The following MEF2A variants were observed in gnomAD, a reference collection of about 807,000 sequenced individuals.
The protein encoded by MEF2A is myocyte enhancer factor 2A.
A neutral mutation model predicts 55.8 loss-of-function variants in MEF2A; 28 were observed. The observed-to-expected ratio is 0.50, with a 90% CI of 0.37 to 0.69. MEF2A has a LOEUF of 0.69. Ranked by LOEUF, MEF2A falls within the 30% of genes least tolerant of loss-of-function variation. MEF2A has a pLI of 0.00. For synonymous variants in MEF2A, 239 were observed against 227.1 expected, an observed-to-expected ratio of 1.05 and a Z score of -0.47; for missense variants, 528 against 626.2, an observed-to-expected ratio of 0.84 and a Z score of 1.67.
intron 7 of MEF2A, among the ~76,000 whole-genome samples, chr15:99,688,141 T>A (rs142361432): frequency 6.6e-6 from 1 of 152,238 alleles, no homozygotes; most frequent in Non-Finnish European, 1.5e-5. Context: ...CACACTGTAA[T>A]CTCTGTTTTA....
intron 9 of MEF2A, 169 bp from the exon 10 acceptor site, chr15:99,706,560 A>G (rs1443949419): frequency 1.5e-6 from 1 of 666,674 alleles, no homozygotes; most frequent in African/African-American, 1.8e-5. Flanking sequence ...GACCCTTCAA[A>G]TTAAATATTT....
At chr15:99,674,318 A>C in intron 5 of MEF2A, 75 bp from the exon 6 acceptor site, 1 of 1,379,418 alleles carries the variant, frequency 7.2e-7, no homozygotes, top group South Asian at 1.4e-5. Flanking sequence ...TTACCTTGCC[A>C]AATTAAAGTT....
At chr15:99,596,700 C>T (rs1250979926) in intron 1 of MEF2A, among the ~76,000 whole-genome samples, 2 of 152,186 alleles carry the variant, frequency 1.3e-5, no homozygotes, top group Admixed American at 6.5e-5. Flanking sequence ...ATAATTGATC[C>T]TGGCCAATAG....
chr15:99,679,777 A>C (rs879282211), intron 7 of MEF2A, among the ~76,000 whole-genome samples: 11 of 152,204 alleles, frequency 7.2e-5, no homozygotes, highest in Non-Finnish European at 1.3e-4. Context: ...GCAAGAAAAC[A>C]GTTTTGAAAA....
In MEF2A at chr15:99,625,400, A is replaced by G. The variant is rs896958047; in HGVS notation, c.-142-7578A>G. Among the ~76,000 whole-genome samples the G allele has an allele frequency of 5.3e-5, 8 of 152,292 alleles. No individual in the cohort carries two copies. The East Asian group carries it at 1.5e-3, about 29-fold the overall frequency. ...TGCTCATGAAAGGATTCTAGGGGAC[A>G]AAAGACATCATGTCATCTTAAAACA... On this transcript the variant is annotated intron_variant, in intron 2 of 11. Transcript: ENST00000557942.
chr15:99,594,893 G>A (rs1157930636), intron 1 of MEF2A, among the ~76,000 whole-genome samples: 1 of 152,106 alleles, frequency 6.6e-6, no homozygotes, highest in African/African-American at 2.4e-5. Context: ...CATGTTCATG[G>A]TCTCTATCAT....
At chr15:99,603,794 T>A (rs2570934) in intron 2 of MEF2A, among the ~76,000 whole-genome samples, 32,730 of 152,102 alleles carry the variant, frequency 0.22, 4,241 homozygotes, top group South Asian at 0.33. Context: ...GATAGTGTTC[T>A]TTTAAGACTT....
At chr15:99,622,120 G>A (rs2041281711) in intron 2 of MEF2A, among the ~76,000 whole-genome samples, 1 of 152,154 alleles carries the variant, frequency 6.6e-6, no homozygotes, top group South Asian at 2.1e-4. Flanking sequence ...TAGATTCTAT[G>A]ATATCTTTTA....
At chr15:99,569,261 G>A (rs985022980) in intron 1 of MEF2A, among the ~76,000 whole-genome samples, 1 of 152,212 alleles carries the variant, frequency 6.6e-6, no homozygotes, top group East Asian at 1.9e-4. Context: ...AACACACTGC[G>A]TGAAGCTTCA....
chr15:99,671,091 G>A (rs1024672890), intron 4 of MEF2A, among the ~76,000 whole-genome samples: 1 of 152,188 alleles, frequency 6.6e-6, no homozygotes, highest in African/African-American at 2.4e-5. Context: ...TAGAAAGGAA[G>A]AATCCAAACA....
At chr15:99,638,145 T>G (rs1006999180) in intron 3 of MEF2A, among the ~76,000 whole-genome samples, 1 of 152,186 alleles carries the variant, frequency 6.6e-6, no homozygotes, top group East Asian at 1.9e-4. Context: ...TTGAAAGCTG[T>G]TTTTATTGGT....
At chr15:99,615,234 A>G (rs138399461) in intron 2 of MEF2A, among the ~76,000 whole-genome samples, 21 of 152,284 alleles carry the variant, frequency 1.4e-4, no homozygotes, top group African/African-American at 5.1e-4. Context: ...GGATATAGCC[A>G]GTTAGGCTAG....
intron 8 of MEF2A, among the ~76,000 whole-genome samples, chr15:99,693,895 A>G (rs2055967743): frequency 6.6e-6 from 1 of 152,234 alleles, no homozygotes; most frequent in African/African-American, 2.4e-5. Flanking sequence ...TTAGATTTAT[A>G]GAAAGATTGC....
In MEF2A at chr15:99,633,273, C is replaced by G. The variant is rs1342877993; in HGVS notation, c.54+100C>G. 5 of 780,026 alleles carry G rather than the reference C, an allele frequency of 6.4e-6. No individual in the cohort carries two copies. The Admixed American group carries it at 1.1e-4, about 17-fold the overall frequency. 48.3% of individuals were successfully genotyped at this position (780,026 alleles called of 1,614,324 possible). A position where few individuals can be genotyped will look rare whatever the true frequency, so the allele number is the denominator to read the frequency against. The stretch of plus-strand genomic sequence containing the variant: ...GTTTTTCTTAAACTTAATTTTAAGT[C>G]TAAATATTTTTAGTTACAGACTAAA... On this transcript the variant is annotated intron_variant, in intron 3 of 11. Coordinates refer to ENST00000557942, the MANE Select transcript of MEF2A (RefSeq NM_001319206.4).
chr15:99,675,327 C>T (rs1359549853), intron 6 of MEF2A, 72 bp from the exon 7 acceptor site: 18 of 1,269,440 alleles, frequency 1.4e-5, no homozygotes, highest in South Asian at 2.4e-5. Flanking sequence ...ATTCAGTTCA[C>T]GTTCAGTTAG....
chr15:99,624,011 G>T (rs1405452342), intron 2 of MEF2A, among the ~76,000 whole-genome samples: 3 of 151,928 alleles, frequency 2.0e-5, no homozygotes, highest in African/African-American at 7.3e-5. Flanking sequence ...TCACTATGTT[G>T]GTCAGTCTGA....
intron 4 of MEF2A, among the ~76,000 whole-genome samples, chr15:99,656,332 G>T (rs889452145): frequency 1.3e-5 from 2 of 152,044 alleles, no homozygotes; most frequent in Non-Finnish European, 2.9e-5. Context: ...AAGTATAGAG[G>T]CCTCTGCTGT....
chr15:99,602,491 A>G (rs370160106), intron 2 of MEF2A, among the ~76,000 whole-genome samples: 1 of 151,654 alleles, frequency 6.6e-6, no homozygotes, highest in Non-Finnish European at 1.5e-5. Flanking sequence ...CATATGTCCA[A>G]CTCCTGAGAT....
At chr15:99,679,873 C>T (rs1314263059) in intron 7 of MEF2A, among the ~76,000 whole-genome samples, 2 of 152,022 alleles carry the variant, frequency 1.3e-5, no homozygotes, top group Non-Finnish European at 2.9e-5. Flanking sequence ...AAATAATGTA[C>T]ATTTTGTGGT....
Sources: gnomAD v4.1 joint callset for allele counts (sites outside exome capture counted in the v4.1 genomes callset) on GRCh38, gnomAD v4.1.1 for gene constraint, MANE v1.5 for transcripts, NCBI Gene and HGNC (gene_info 2026-07-23, HGNC 2026-07-21) for gene names.